The following RNF212B variants were observed in gnomAD, a reference collection of about 807,000 sequenced individuals.
The protein encoded by RNF212B is ring finger protein 212B.
A neutral mutation model predicts 55.5 loss-of-function variants in RNF212B; 52 were observed. That is an observed-to-expected ratio of 0.94 (90% confidence interval 0.75 to 1.18). The LOEUF (loss-of-function observed/expected upper bound fraction) is 1.18, where lower values mean the gene tolerates loss of function less well. RNF212B is among the 50% of genes most tolerant of loss of function. The probability of loss-of-function intolerance (pLI) is 0.00; values close to 1 mark genes in which losing one functional copy is unlikely to be tolerated. For missense variants in RNF212B, 289 were observed against 350.4 expected (o/e 0.82, Z 1.40); for synonymous variants, 99 against 121.4 (o/e 0.82, Z 1.21).
intron 4 of RNF212B, among the ~76,000 whole-genome samples, chr14:23,250,940 T>A (rs1465183128): frequency 2.0e-5 from 3 of 152,190 alleles, no homozygotes; most frequent in Admixed American, 2.0e-4. Flanking sequence ...CAGATATGCA[T>A]GTATCTCAGT....
upstream of RNF212B, among the ~76,000 whole-genome samples, chr14:23,237,529 G>A (rs178765): frequency 0.34 from 51,111 of 151,914 alleles, 9,838 homozygotes; most frequent in African/African-American, 0.54. Context: ...AAATTTTCCT[G>A]TTTCCGATTT....
chr14:23,261,934 C>T (rs1885322511), intron 7 of RNF212B, among the ~76,000 whole-genome samples: 2 of 152,072 alleles, frequency 1.3e-5, no homozygotes, highest in South Asian at 4.1e-4. Flanking sequence ...CCCCACTGCA[C>T]TCCAGCCTGG....
At chr14:23,190,609 T>C (rs1878028106) in intron 1 of RNF212B, among the ~76,000 whole-genome samples, 3 of 152,200 alleles carry the variant, frequency 2.0e-5, no homozygotes, top group Admixed American at 2.0e-4. Flanking sequence ...TCATCACCGC[T>C]TCACCATCAG....
chr14:23,202,955 CTTTAT>C (rs888445267), intron 2 of RNF212B, among the ~76,000 whole-genome samples: 5 of 151,166 alleles, frequency 3.3e-5, no homozygotes, highest in African/African-American at 9.7e-5. Context: ...GTTACAAGGA[CTTTAT>C]TTTATTTCAT....
chr14:23,215,070 A>AG (rs771688099), intron 2 of RNF212B, among the ~76,000 whole-genome samples: 1 of 152,166 alleles, frequency 6.6e-6, no homozygotes, highest in Non-Finnish European at 1.5e-5. Context: ...GTGTTGAGGG[A>AG]GGGACCTGGT....
intron 4 of RNF212B, among the ~76,000 whole-genome samples, chr14:23,256,284 T>G (rs1434752492): frequency 2.0e-5 from 3 of 152,160 alleles, no homozygotes; most frequent in African/African-American, 7.2e-5. Flanking sequence ...ATTATATAGC[T>G]TTATCTCTGT....
chr14:23,217,521 G>A (rs1261257591), intron 2 of RNF212B, among the ~76,000 whole-genome samples: 1 of 152,132 alleles, frequency 6.6e-6, no homozygotes, highest in Non-Finnish European at 1.5e-5. Context: ...GTTGCCACAT[G>A]GGTGCTTGCA....
intron 2 of RNF212B, among the ~76,000 whole-genome samples, chr14:23,202,365 TTA>T (rs1879383109): frequency 6.6e-6 from 1 of 152,178 alleles, no homozygotes; most frequent in African/African-American, 2.4e-5. Flanking sequence ...AATGATTAAT[TTA>T]TAGAGAAACT....
chr14:23,244,801 A>T (rs1445274720), intron 4 of RNF212B, among the ~76,000 whole-genome samples: 3 of 152,232 alleles, frequency 2.0e-5, no homozygotes, highest in Admixed American at 2.0e-4. Context: ...CACTAAGTTT[A>T]CGAGAGTATT....
chr14:23,244,415 A>G lies in RNF212B; in HGVS notation c.228+19A>G, dbSNP rs1176684318. On this transcript the variant is annotated intron_variant, in intron 4 of 14. Coordinates refer to ENST00000430154, the MANE Select transcript of RNF212B (RefSeq NM_001282322.3). The stretch of plus-strand genomic sequence containing the variant: ...CTCTCAGGTATGAGAAACAAAAGTG[A>G]AGAAAATCTGACTCTCCAGGCAAAT... 3 of 1,437,500 alleles carry G rather than the reference A, an allele frequency of 2.1e-6. No homozygotes were observed. The highest frequency in any genetic ancestry group is 2.8e-6 in the Non-Finnish European group (3 of 1,059,228). 89.0% of individuals were successfully genotyped at this position (1,437,500 alleles called of 1,614,324 possible).
intron 2 of RNF212B, among the ~76,000 whole-genome samples, chr14:23,194,734 CAA>C (rs34019946): frequency 0.21 from 15,613 of 73,854 alleles, 291 homozygotes; most frequent in African/African-American, 0.32. Context: ...GACTCTGTCT[CAA>C]AAAAAAAAAA....
intron 11 of RNF212B, among the ~76,000 whole-genome samples, chr14:23,268,209 A>G (rs1885831786): frequency 6.6e-6 from 1 of 152,150 alleles, no homozygotes; most frequent in African/African-American, 2.4e-5. Flanking sequence ...CTTCCAGGGA[A>G]CCACTAGACA....
intron 2 of RNF212B, among the ~76,000 whole-genome samples, chr14:23,205,124 G>T (rs540291032): frequency 6.6e-6 from 1 of 152,066 alleles, no homozygotes; most frequent in Admixed American, 6.6e-5. Context: ...TACTATAAAA[G>T]ATTCTTTCTC....
intron 2 of RNF212B, among the ~76,000 whole-genome samples, chr14:23,203,919 C>G (rs1174464511): frequency 1.3e-5 from 2 of 152,162 alleles, no homozygotes; most frequent in Admixed American, 1.3e-4. Context: ...TGATTATAGC[C>G]ATTCTTGCAG....
chr14:23,235,188 G>A (rs1461046247), upstream of RNF212B, among the ~76,000 whole-genome samples: 5 of 150,558 alleles, frequency 3.3e-5, no homozygotes, highest in African/African-American at 4.9e-5. Flanking sequence ...CTCCAGCCTG[G>A]GTGACAGAGC....
intron 2 of RNF212B, among the ~76,000 whole-genome samples, chr14:23,242,949 A>C (rs896278557): frequency 6.6e-6 from 1 of 151,978 alleles, no homozygotes; most frequent in Non-Finnish European, 1.5e-5. Context: ...ACTGCATTCC[A>C]GCCTGGGTGA....
In RNF212B at chr14:23,254,310, A is replaced by C. The variant is rs1746145775; in HGVS notation, c.229-4239A>C. 4.0e-5 allele frequency among the ~76,000 whole-genome samples: 6 copies of C among 149,330 alleles called. No homozygotes were observed. The South Asian group carries it at 1.1e-3, about 27-fold the overall frequency. ...TCAAAAACAAAACAAAACAAAACAA[A>C]ACAAAACAAAAAAACAAAAACAAAA... On this transcript the variant is annotated intron_variant, in intron 4 of 14. Transcript: ENST00000430154.
chr14:23,206,720 G>A (rs1879872400), intron 2 of RNF212B, among the ~76,000 whole-genome samples: 1 of 152,084 alleles, frequency 6.6e-6, no homozygotes, highest in African/African-American at 2.4e-5. Context: ...AAAAAATGTG[G>A]TGGTGCTAGA....
chr14:23,246,369 G>A (rs56327739), intron 4 of RNF212B, among the ~76,000 whole-genome samples: 12,202 of 152,062 alleles, frequency 0.08, 648 homozygotes, highest in African/African-American at 0.15. Context: ...CCCTATTGAA[G>A]TTTTCCTTTA....
Sources: allele counts gnomAD v4.1 joint callset (sites outside exome capture counted in the v4.1 genomes callset), GRCh38; gene constraint gnomAD v4.1.1; transcripts MANE v1.5; gene names NCBI Gene and HGNC (gene_info 2026-07-23, HGNC 2026-07-21).